EPM2A: variants seen among roughly 807,000 people sequenced by gnomAD.
EPM2A encodes the protein laforin.
In EPM2A, 21 loss-of-function variants were observed where a neutral mutation model predicts 26.5. The ratio of observed to expected loss-of-function variants is 0.79; its 90% CI spans 0.56 to 1.14. EPM2A has a LOEUF of 1.14. Among genes scored for constraint, EPM2A ranks in the 50% most tolerant of loss-of-function variants. EPM2A has a pLI of 0.00. For missense variants in EPM2A, 458 were observed against 440.8 expected, an observed-to-expected ratio of 1.04 and a Z score of -0.35; for synonymous variants, 217 against 177.6, an observed-to-expected ratio of 1.22 and a Z score of -1.76.
intron 2 of EPM2A, among the ~76,000 whole-genome samples, chr6:145,591,426 A>T (rs986343935): frequency 1.3e-5 from 2 of 152,136 alleles, no homozygotes; most frequent in Admixed American, 1.3e-4. Flanking sequence ...CTAGAAACCC[A>T]AAGACAAAGA....
chr6:145,712,510 C>T (rs1022620224), intron 1 of EPM2A, among the ~76,000 whole-genome samples: 2 of 152,020 alleles, frequency 1.3e-5, no homozygotes, highest in Non-Finnish European at 2.9e-5. Context: ...AGACAAAGCA[C>T]AAGCAAAGCA....
At chr6:145,701,648 G>A (rs1326151718) in intron 1 of EPM2A, among the ~76,000 whole-genome samples, 1 of 152,174 alleles carries the variant, frequency 6.6e-6, no homozygotes, top group Non-Finnish European at 1.5e-5. Flanking sequence ...GCTACCTAAA[G>A]AAATCAGGAT....
At position 145,735,473 on chromosome 6, in the gene EPM2A, A is replaced by G. The variant is rs1275784416; in HGVS notation, c.26T>C (p.Val9Ala). The G allele has an allele frequency of 4.1e-6, 5 of 1,216,454 alleles. No individual in the cohort carries two copies. The East Asian group carries it at 1.1e-4, about 27-fold the overall frequency. 75.4% of individuals were successfully genotyped at this position (1,216,454 alleles called of 1,614,324 possible). Reference protein sequence around the residue: MRFRFGVVVPPAVAGARPE... With the variant: MRFRFGVVAPPAVAGARPE... The stretch of plus-strand genomic sequence containing the variant: ...CCGGGCGCCGGCCACGGCGGGTGGC[A>G]CCACCACCCCAAAGCGGAAGCGCAT... Residue 9 changes from valine to alanine, a missense_variant, in exon 1 of 4, where the codon GTG becomes GCG. Physicochemically the swap from Val to Ala is moderately conservative, Grantham distance 64 (BLOSUM62 0). Transcript: ENST00000367519.
At chr6:145,526,345 G>C (rs1212071835) in intron 2 of EPM2A, among the ~76,000 whole-genome samples, 1 of 152,010 alleles carries the variant, frequency 6.6e-6, no homozygotes, top group Non-Finnish European at 1.5e-5. Context: ...TTTTTTGGAA[G>C]TTTCAGCAGA....
At chr6:145,731,644 A>C (rs1776492858) in intron 1 of EPM2A, among the ~76,000 whole-genome samples, 1 of 152,122 alleles carries the variant, frequency 6.6e-6, no homozygotes, top group South Asian at 2.1e-4. Flanking sequence ...GGTTGAGGGG[A>C]GGGAACTTAG....
intron 2 of EPM2A, among the ~76,000 whole-genome samples, chr6:145,664,723 C>T (rs1235591333): frequency 6.6e-6 from 1 of 152,064 alleles, no homozygotes; most frequent in Non-Finnish European, 1.5e-5. Context: ...TTTTTCAGCA[C>T]CACACCATAC....
intron 4 of EPM2A, among the ~76,000 whole-genome samples, chr6:145,485,865 C>T (rs1329910042): frequency 6.6e-6 from 1 of 152,084 alleles, no homozygotes; most frequent in Admixed American, 6.5e-5. Flanking sequence ...AGAATGAGAA[C>T]CAAGTAAAGG....
chr6:145,601,803 C>G (rs1371772020), intron 2 of EPM2A, among the ~76,000 whole-genome samples: 1 of 152,136 alleles, frequency 6.6e-6, no homozygotes, highest in Non-Finnish European at 1.5e-5. Flanking sequence ...TTTTGCCAAT[C>G]AGGTATACTC....
intron 4 of EPM2A, among the ~76,000 whole-genome samples, chr6:145,419,513 T>C (rs573380339): frequency 9.1e-4 from 138 of 152,328 alleles, no homozygotes; most frequent in African/African-American, 3.1e-3. Flanking sequence ...GCCTTAAATA[T>C]AATGATCAAA....
chr6:145,610,666 T>C (rs1013625586), intron 2 of EPM2A, among the ~76,000 whole-genome samples: 1 of 152,258 alleles, frequency 6.6e-6, no homozygotes, highest in African/African-American at 2.4e-5. Flanking sequence ...TTCTAGGTCT[T>C]GTTTTCTCTG....
intron 4 of EPM2A, chr6:145,492,109 T>C (rs1779763474): frequency 4.0e-6 from 1 of 247,892 alleles, no homozygotes; most frequent in Admixed American, 5.4e-5. Context: ...CAGGTTGCCC[T>C]AGTTCATGGT....
At chr6:145,584,895 C>T (rs952000607) in intron 2 of EPM2A, among the ~76,000 whole-genome samples, 1 of 152,158 alleles carries the variant, frequency 6.6e-6, no homozygotes, top group Non-Finnish European at 1.5e-5. Flanking sequence ...TCCCTCCGGG[C>T]TGCATTTAAT....
At chr6:145,615,563 G>T (rs1430124098) in intron 2 of EPM2A, among the ~76,000 whole-genome samples, 3 of 152,058 alleles carry the variant, frequency 2.0e-5, no homozygotes, top group African/African-American at 7.2e-5. Flanking sequence ...TTGGATCTGG[G>T]TAACAGGCAG....
At position 145,625,802 on chromosome 6, in the gene EPM2A, C is replaced by G; in HGVS notation, c.*1614G>C. On this transcript the variant is annotated 3_prime_UTR_variant, in exon 4 of 4. Coordinates refer to ENST00000367519, the MANE Select transcript of EPM2A (RefSeq NM_005670.4). ...GTCCTCTGAGCTCCACTGAAACTTA[C>G]CTTGTATCCTTCTTGTCCCCCACGC... 6.6e-7 allele frequency: 1 copy of G among 1,518,464 alleles called. No individual in the cohort carries two copies. The highest frequency in any genetic ancestry group is 9.0e-7 in the Non-Finnish European group (1 of 1,109,550). 94.1% of individuals were successfully genotyped at this position (1,518,464 alleles called of 1,614,324 possible).
At chr6:145,693,887 A>C (rs1275765210) in intron 1 of EPM2A, among the ~76,000 whole-genome samples, 1 of 151,964 alleles carries the variant, frequency 6.6e-6, no homozygotes, top group Non-Finnish European at 1.5e-5. Context: ...AAACGAAGTG[A>C]GTAAATGTGT....
intron 1 of EPM2A, among the ~76,000 whole-genome samples, chr6:145,702,410 C>T (rs1781965871): frequency 6.6e-6 from 1 of 150,896 alleles, no homozygotes. Context: ...ATGATTTACT[C>T]TTTGTAAACA....
At chr6:145,627,931 T>C (rs1775950737) in intron 3 of EPM2A, 1 of 583,684 alleles carries the variant, frequency 1.7e-6, no homozygotes, top group South Asian at 2.1e-5. Flanking sequence ...CCCTGGGTAT[T>C]GCTGCTCCTT....
intron 2 of EPM2A, chr6:145,640,266 G>GT (rs1403123364): frequency 2.6e-5 from 4 of 152,170 alleles, no homozygotes; most frequent in Non-Finnish European, 5.9e-5. Context: ...AAGACAAAAG[G>GT]TATTGGGAGA....
At chr6:145,399,120 A>G (rs1197645831) in intron 4 of EPM2A, among the ~76,000 whole-genome samples, 1 of 152,160 alleles carries the variant, frequency 6.6e-6, no homozygotes, top group Non-Finnish European at 1.5e-5. Flanking sequence ...TGTCCCTATT[A>G]TGCCAACAAT....
Sources: allele counts gnomAD v4.1 joint callset (sites outside exome capture counted in the v4.1 genomes callset), GRCh38; gene constraint gnomAD v4.1.1; transcripts MANE v1.5; gene names NCBI Gene and HGNC (gene_info 2026-07-23, HGNC 2026-07-21).